The following TBC1D24 variants were observed in gnomAD, a reference collection of about 807,000 sequenced individuals.
TBC1D24 encodes the protein Infantile myoclonic epilepsy.
TBC1D24 carries 47 observed loss-of-function variants against 50.7 expected under a neutral mutation model. That is an observed-to-expected ratio of 0.93 (90% CI 0.73 to 1.18). The LOEUF (loss-of-function observed/expected upper bound fraction) is 1.18, where lower values mean the gene tolerates loss of function less well. Ranked by LOEUF, TBC1D24 falls within the 50% of genes most tolerant of loss-of-function variation. The probability of loss-of-function intolerance (pLI) is 0.00; values close to 1 mark genes in which losing one functional copy is unlikely to be tolerated. For synonymous variants in TBC1D24, 324 were observed against 335.2 expected, an observed-to-expected ratio of 0.97 and a Z score of 0.36; for missense variants, 688 against 766.5, an observed-to-expected ratio of 0.90 and a Z score of 1.21.
Position 2,499,439 on chromosome 16 carries a change from GCCAGGGCTGGCTCTGATGGGCT to G in TBC1D24, c.1206+64_1206+85del, listed in dbSNP as rs777798547. On this transcript the variant is annotated intron_variant, in intron 5 of 7. Coordinates refer to ENST00000646147, the MANE Select transcript of TBC1D24 (RefSeq NM_001199107.2). The surrounding 1 kb of genome is among the most constrained non-coding windows in gnomAD (Gnocchi z 4.0). ...GAAGGAGGTGAGCAGGGGCCCTGGA[GCCAGGGCTGGCTCTGATGGGCT>G]CCAGGGCTGGCTCTGATGGGCTCCA... The G allele has an allele frequency of 3.0e-3, 4,892 of 1,609,054 alleles. 53 individuals are homozygous for G. The highest frequency in any genetic ancestry group is 0.013 in the South Asian group (1,172 of 90,604).
At chr16:2,497,855 G>C (rs1399766851) in intron 3 of TBC1D24, 128 bp downstream of exon 3, 10 of 939,332 alleles carry the variant, frequency 1.1e-5, no homozygotes, top group Non-Finnish European at 1.3e-5. Flanking sequence ...CCTCTGAGCC[G>C]GACTGATGCT....
chr16:2,492,575 G>C (rs945511427), intron 1 of TBC1D24, among the ~76,000 whole-genome samples: 1 of 152,198 alleles, frequency 6.6e-6, no homozygotes, highest in African/African-American at 2.4e-5. Context: ...AGCAGGGAAG[G>C]AGGGATGTAA....
In TBC1D24 at chr16:2,503,199, T is replaced by A. The variant is rs1859306952; in HGVS notation, c.*2241T>A. 6.6e-6 allele frequency: 1 copy of A among 152,274 alleles called. No homozygotes were observed. The highest frequency in any genetic ancestry group is 6.5e-5 in the Admixed American group (1 of 15,288). 9.4% of individuals were successfully genotyped at this position (152,274 alleles called of 1,614,324 possible). A position where few individuals can be genotyped will look rare whatever the true frequency, so the allele number is the denominator to read the frequency against. ...AGACGGATTGCTGCTGGGTCATGAT[T>A]TCCACATCATGAGCGAAGTTCTTTG... On this transcript the variant is annotated 3_prime_UTR_variant, in exon 8 of 8. Coordinates refer to ENST00000646147, the MANE Select transcript of TBC1D24 (RefSeq NM_001199107.2).
chr16:2,495,253 T>C (rs909796863), intron 1 of TBC1D24, among the ~76,000 whole-genome samples: 2 of 151,764 alleles, frequency 1.3e-5, no homozygotes, highest in African/African-American at 2.4e-5. Context: ...ATAGCTGAGG[T>C]GGGAGGATCA....
Position 2,487,847 on chromosome 16 carries a change from C to G in TBC1D24, c.-115-8187C>G, listed in dbSNP as rs963141023. 6.6e-6 allele frequency among the ~76,000 whole-genome samples: 1 copy of G among 151,956 alleles called. No individual in the cohort carries two copies. Among genetic ancestry groups the G allele is most frequent in the African/African-American group, 2.4e-5 (1 of 41,364 alleles). On this transcript the variant is annotated intron_variant, in intron 1 of 7. Coordinates refer to ENST00000646147, the MANE Select transcript of TBC1D24 (RefSeq NM_001199107.2). The surrounding 1 kb of genome is among the most constrained non-coding windows in gnomAD (Gnocchi z 4.1). ...CCTGAAGTCCCAGACCTGCGTGGGTCCTGCCTGTGCTCAGGGACCCTCTGG... is the reference window on the plus strand; with the variant it reads ...CCTGAAGTCCCAGACCTGCGTGGGTGCTGCCTGTGCTCAGGGACCCTCTGG...
intron 3 of TBC1D24, 130 bp from the exon 4 acceptor site, chr16:2,498,108 C>G: frequency 8.0e-7 from 1 of 1,254,158 alleles, no homozygotes; most frequent in East Asian, 2.5e-5. Flanking sequence ...GGCCCTAAAC[C>G]GGGGCCGGGG....
chr16:2,498,444 TG>T, intron 4 of TBC1D24, 48 bp downstream of exon 4: 1 of 1,547,600 alleles, frequency 6.5e-7, no homozygotes, highest in Non-Finnish European at 8.7e-7. Flanking sequence ...CCCAGCCACG[TG>T]TCCTGCCCAC....
In TBC1D24 at chr16:2,496,434, G is replaced by A. The variant is rs755097854; in HGVS notation, c.286G>A (p.Val96Met). 10 of 1,612,758 alleles carry A rather than the reference G, an allele frequency of 6.2e-6. No individual in the cohort carries two copies. The highest frequency in any genetic ancestry group is 6.8e-6 in the Non-Finnish European group (8 of 1,179,966). The stretch of plus-strand genomic sequence containing the variant: ...CAGCTGCCTGCCGCTGCCCGAGTTC[G>A]TGGACAACACGCAGGTGCCCAGCTA... ...SSSCLPLPEF[V>M]DNTQVPSYCL... is the part of the protein sequence containing the mutation. Residue 96 changes from valine to methionine, a missense_variant, in exon 2 of 8, where the codon GTG (valine) becomes ATG (methionine). By Grantham distance (21) the Val-to-Met change is conservative. Coordinates refer to ENST00000646147, the MANE Select transcript of TBC1D24 (RefSeq NM_001199107.2).
chr16:2,502,077 T>C lies in TBC1D24; in HGVS notation c.*1119T>C, dbSNP rs1003257409. 9 of 152,816 alleles carry C rather than the reference T, an allele frequency of 5.9e-5. No homozygotes were observed. The highest frequency in any genetic ancestry group is 2.2e-4 in the African/African-American group (9 of 41,474). The allele number at this position is 152,816 out of a possible 1,614,324, so 9.5% of individuals were successfully genotyped here. On this transcript the variant is annotated 3_prime_UTR_variant, in exon 8 of 8. Transcript: ENST00000646147. Reference sequence around the variant, plus strand: ...TCCTTGGCCACCTTGCATGGATGCATGTCCTCCCTCTGTCCCTCTTGTGGT... The same window carrying C: ...TCCTTGGCCACCTTGCATGGATGCACGTCCTCCCTCTGTCCCTCTTGTGGT...
Position 2,505,332 on chromosome 16 carries a change from A to G in TBC1D24, c.*4374A>G, listed in dbSNP as rs947700111. ...GCAGACTCACTCATTTTACCAAACT[A>G]TGGAATTTGTCAACACCTTTTCTTG... On this transcript the variant is annotated 3_prime_UTR_variant, in exon 8 of 8. Coordinates refer to ENST00000646147, the MANE Select transcript of TBC1D24 (RefSeq NM_001199107.2). The G allele has an allele frequency of 1.3e-5, 2 of 152,252 alleles. No homozygotes were observed. The highest frequency in any genetic ancestry group is 4.8e-5 in the African/African-American group (2 of 41,466). The allele number at this position is 152,252 out of a possible 1,614,324, so 9.4% of individuals were successfully genotyped here.
In TBC1D24 at chr16:2,486,005, C is replaced by T. The variant is rs1195305559; in HGVS notation, c.-115-10029C>T. On this transcript the variant is annotated intron_variant, in intron 1 of 7. Coordinates refer to ENST00000646147, the MANE Select transcript of TBC1D24 (RefSeq NM_001199107.2). This position sits in a 1 kb window ranked among gnomAD's most constrained non-coding sequence, Gnocchi z 5.8. ...TCTCATCCCTGGATCTTGCGGATCT[C>T]GCGCCCGGGCTGGAATGCCTGTGCT... Among the ~76,000 whole-genome samples, 1 of 152,222 alleles carries T rather than the reference C, an allele frequency of 6.6e-6. No individual in the cohort carries two copies. Among genetic ancestry groups the T allele is most frequent in the Non-Finnish European group, 1.5e-5 (1 of 68,038 alleles).
chr16:2,500,508 G>A lies in TBC1D24; in HGVS notation c.1525+18G>A, dbSNP rs2065784080. On this transcript the variant is annotated intron_variant, in intron 7 of 7. Transcript: ENST00000646147. The surrounding 1 kb of genome is among the most constrained non-coding windows in gnomAD (Gnocchi z 8.0). ...CATCGTCGGTGAGCGCCAGCAGACG[G>A]GGCTCTGGGATGAGGGTGTGGGGTC... is the stretch of plus-strand genomic sequence containing the variant. 1.3e-6 allele frequency: 2 copies of A among 1,547,010 alleles called. No homozygotes were observed. The highest frequency in any genetic ancestry group is 1.7e-6 in the Non-Finnish European group (2 of 1,147,254).
At position 2,496,933 on chromosome 16, in the gene TBC1D24, C is replaced by T. The variant is rs201060500; in HGVS notation, c.785C>T (p.Ser262Leu). The T allele has an allele frequency of 6.2e-4, 994 of 1,614,036 alleles. 3 individuals are homozygous for T. The highest frequency in any genetic ancestry group is 5.9e-3 in the African/African-American group (441 of 75,052). ...HKVRAGQPLESDSVKQDIRTF... is the reference protein window; with the variant it reads ...HKVRAGQPLELDSVKQDIRTF... ...GTGAGGGCCGGGCAGCCGCTGGAGT[C>T]GGACAGCGTGAAGCAGGACATCCGC... The change falls in exon 2 of 8, where the codon TCG becomes TTG. Residue 262 changes from serine (S) to leucine (L), a missense_variant. Ser to Leu is a moderately radical substitution (Grantham distance 145). Coordinates refer to ENST00000646147, the MANE Select transcript of TBC1D24 (RefSeq NM_001199107.2).
At chr16:2,489,505 A>G (rs1197670519) in intron 1 of TBC1D24, among the ~76,000 whole-genome samples, 3 of 152,226 alleles carry the variant, frequency 2.0e-5, no homozygotes, top group African/African-American at 7.2e-5. Context: ...TCTGATCTGC[A>G]GGTACCTTGA....
rs755981332 is a variant in TBC1D24, at chr16:2,496,187, C to T, written c.39C>T (p.Asp13=). The change falls in exon 2 of 8, where the codon GAC becomes GAT. Residue 13 remains aspartate, a synonymous_variant. Coordinates refer to ENST00000646147, the MANE Select transcript of TBC1D24 (RefSeq NM_001199107.2). The stretch of plus-strand genomic sequence containing the variant: ...GATACAACTGCTTCGTGGACAAAGA[C>T]AAGATGGACGCTGCCATCCAGGACC... ...SPGYNCFVDK[D]KMDAAIQDLG... 2 of 1,613,990 alleles carry T rather than the reference C, an allele frequency of 1.2e-6. No individual in the cohort carries two copies. The highest frequency in any genetic ancestry group is 3.3e-5 in the Admixed American group (2 of 60,032).
At chr16:2,480,427 C>T (rs1170816145) in intron 1 of TBC1D24, 1 of 152,168 alleles carries the variant, frequency 6.6e-6, no homozygotes, top group African/African-American at 2.4e-5. Context: ...ACTACACCGG[C>T]CTGTTCCCTT....
chr16:2,494,694 G>A (rs968019393), intron 1 of TBC1D24, among the ~76,000 whole-genome samples: 5 of 152,094 alleles, frequency 3.3e-5, no homozygotes, highest in African/African-American at 9.7e-5. Flanking sequence ...ATGAGCCACT[G>A]TGCCCAGCCA....
intron 1 of TBC1D24, chr16:2,479,113 A>AAATTCCTGGACTCAAGCAGTTCTCC (rs2065591197): frequency 6.6e-6 from 1 of 151,896 alleles, no homozygotes; most frequent in Admixed American, 6.6e-5. Context: ...GGCTGGTCTC[A>AAATTCCTGGACTCAAGCAGTTCTCC]AATTCCTGGA....
rs2065564935 is a variant in TBC1D24 at position 2,475,961 on chromosome 16, A to G, written c.-116+791A>G. 6.6e-6 allele frequency among the ~76,000 whole-genome samples: 1 copy of G among 152,214 alleles called. No individual in the cohort carries two copies. Among genetic ancestry groups the G allele is most frequent in the South Asian group, 2.1e-4 (1 of 4,828 alleles). ...TATTAAAGGTCAAAGGTTGTCTAAA[A>G]GCCACCTGGGTGGTGTGGAGGTGCA... On this transcript the variant is annotated intron_variant, in intron 1 of 7. Transcript: ENST00000646147. This position sits in a 1 kb window ranked among gnomAD's most constrained non-coding sequence, Gnocchi z 4.2.
Sources: allele counts gnomAD v4.1 joint callset (sites outside exome capture counted in the v4.1 genomes callset), GRCh38; gene constraint gnomAD v4.1.1; non-coding constraint Gnocchi (gnomAD v3.1); transcripts MANE v1.5; gene names NCBI Gene and HGNC (gene_info 2026-07-23, HGNC 2026-07-21).